Variants in COL21A1 observed in about 807,000 individuals in gnomAD.
COL21A1 encodes the protein collagen type XXI alpha 1 chain.
COL21A1 carries 149 observed loss-of-function variants against 137.9 expected under a neutral mutation model. The observed-to-expected ratio is 1.08, with a 90% CI of 0.95 to 1.24. The LOEUF (loss-of-function observed/expected upper bound fraction) is 1.24, where lower values mean the gene tolerates loss of function less well. Ranked by LOEUF, COL21A1 falls within the 50% of genes most tolerant of loss-of-function variation. The pLI is 0.00. For synonymous variants in COL21A1, 456 were observed against 391.5 expected, an observed-to-expected ratio of 1.16 and a Z score of -1.95; for missense variants, 1,167 against 1,158.4, an observed-to-expected ratio of 1.01 and a Z score of -0.11.
At chr6:56,218,068 G>T (rs1315814194) in intron 1 of COL21A1, among the ~76,000 whole-genome samples, 4 of 152,046 alleles carry the variant, frequency 2.6e-5, no homozygotes, top group Admixed American at 2.6e-4. Flanking sequence ...TGAGAAGATT[G>T]CTTAGTCTGT....
At chr6:56,289,948 T>C (rs909828231) in intron 1 of COL21A1, among the ~76,000 whole-genome samples, 1 of 152,006 alleles carries the variant, frequency 6.6e-6, no homozygotes, top group Non-Finnish European at 1.5e-5. Context: ...CCCACCACCA[T>C]TGGACTGTAG....
chr6:56,312,442 T>C (rs1423108915), intron 1 of COL21A1, among the ~76,000 whole-genome samples: 2 of 152,134 alleles, frequency 1.3e-5, no homozygotes, highest in Non-Finnish European at 2.9e-5. Flanking sequence ...ACTGGGAACA[T>C]GTTGGTATTT....
chr6:56,321,034 C>T (rs939464916), intron 1 of COL21A1, among the ~76,000 whole-genome samples: 5 of 152,006 alleles, frequency 3.3e-5, no homozygotes, highest in Admixed American at 6.6e-5. Flanking sequence ...ATGAAAAAAA[C>T]AAATTTTAGA....
At chr6:56,176,065 G>A (rs866845057) in intron 3 of COL21A1, among the ~76,000 whole-genome samples, 16 of 151,970 alleles carry the variant, frequency 1.1e-4, no homozygotes, top group African/African-American at 2.4e-4. Context: ...TGGGAAAACC[G>A]GATATCCACA....
At position 56,286,130 on chromosome 6, in the gene COL21A1, TAGGCCA is replaced by T. The variant is rs372770057; in HGVS notation, c.-38-103480_-38-103475del. Among the ~76,000 whole-genome samples the T allele has an allele frequency of 2.9e-3, 449 of 152,286 alleles. 4 individuals are homozygous for T. Among genetic ancestry groups the T allele is most frequent in the African/African-American group, 0.01 (419 of 41,552 alleles). On this transcript the variant is annotated intron_variant, in intron 1 of 28. Coordinates refer to the COL21A1 transcript ENST00000370819. ...CCATCTTAGTGTTTGGGCTACAAAC[TAGGCCA>T]TGATACAGTTTATGCAAGGTTTAAA... is the stretch of plus-strand genomic sequence containing the variant.
intron 1 of COL21A1, among the ~76,000 whole-genome samples, chr6:56,381,243 C>T (rs966436567): frequency 2.0e-5 from 3 of 151,832 alleles, no homozygotes; most frequent in African/African-American, 7.3e-5. Context: ...TTTATGTGGT[C>T]GAGTTTACGA....
intron 1 of COL21A1, among the ~76,000 whole-genome samples, chr6:56,306,731 C>T (rs1342876866): frequency 2.0e-5 from 3 of 151,452 alleles, no homozygotes; most frequent in South Asian, 2.1e-4. Context: ...TCTCTCAACT[C>T]GTCAAAGTCA....
intron 9 of COL21A1, among the ~76,000 whole-genome samples, chr6:56,159,850 G>A (rs1336312084): frequency 6.6e-6 from 1 of 151,988 alleles, no homozygotes; most frequent in African/African-American, 2.4e-5. Flanking sequence ...AAAGGGACTT[G>A]TGCTTTTTAT....
At chr6:56,205,626 T>C (rs556747955) in intron 1 of COL21A1, among the ~76,000 whole-genome samples, 8 of 151,970 alleles carry the variant, frequency 5.3e-5, no homozygotes, top group African/African-American at 1.7e-4. Context: ...ATTCAGGAAA[T>C]ACAGAGAATA....
At chr6:56,169,322 C>T (rs762205134) in intron 5 of COL21A1, among the ~76,000 whole-genome samples, 5 of 151,912 alleles carry the variant, frequency 3.3e-5, no homozygotes, top group Admixed American at 6.6e-5. Flanking sequence ...TTATTAATTT[C>T]TGTATCCCCA....
intron 1 of COL21A1, among the ~76,000 whole-genome samples, chr6:56,347,311 A>C (rs926041339): frequency 6.6e-6 from 1 of 152,018 alleles, no homozygotes; most frequent in African/African-American, 2.4e-5. Flanking sequence ...GGGTGTTCCT[A>C]CTGGCCCTTT....
intron 1 of COL21A1, among the ~76,000 whole-genome samples, chr6:56,302,750 A>C (rs1482003284): frequency 3.3e-5 from 5 of 150,404 alleles, no homozygotes; most frequent in African/African-American, 4.8e-5. Flanking sequence ...CCCATTTGTC[A>C]ATTTTGGCTT....
intron 1 of COL21A1, among the ~76,000 whole-genome samples, chr6:56,202,520 T>C (rs1779479032): frequency 6.7e-6 from 1 of 149,704 alleles, no homozygotes; most frequent in African/African-American, 2.6e-5. Flanking sequence ...TCGATCTTTT[T>C]CTACTTCCAG....
At chr6:56,317,449 C>G (rs532172114) in intron 1 of COL21A1, among the ~76,000 whole-genome samples, 25 of 152,146 alleles carry the variant, frequency 1.6e-4, no homozygotes, top group Non-Finnish European at 3.2e-4. Flanking sequence ...GATTCCTCCT[C>G]AGTATGTGAA....
At chr6:56,152,454 C>T (rs886288691) in intron 10 of COL21A1, among the ~76,000 whole-genome samples, 1 of 152,162 alleles carries the variant, frequency 6.6e-6, no homozygotes, top group East Asian at 1.9e-4. Flanking sequence ...GACCATTATT[C>T]TTCCTACCAC....
upstream of COL21A1, among the ~76,000 whole-genome samples, chr6:56,250,414 A>G (rs1412369814): frequency 2.6e-5 from 4 of 152,206 alleles, no homozygotes; most frequent in Non-Finnish European, 5.9e-5. Flanking sequence ...TCATCCATGT[A>G]ATGAACTGCC....
At chr6:56,265,381 T>C (rs1406123824) in intron 1 of COL21A1, among the ~76,000 whole-genome samples, 1 of 152,196 alleles carries the variant, frequency 6.6e-6, no homozygotes, top group African/African-American at 2.4e-5. Context: ...TGGTCAGTGT[T>C]AGTCCAAAAA....
chr6:56,303,685 A>G (rs907003557), intron 1 of COL21A1, among the ~76,000 whole-genome samples: 2 of 152,192 alleles, frequency 1.3e-5, no homozygotes, highest in Non-Finnish European at 2.9e-5. Context: ...AAACAGGAAC[A>G]ATTTGACTTC....
intron 1 of COL21A1, among the ~76,000 whole-genome samples, chr6:56,211,570 C>T (rs929811104): frequency 3.3e-5 from 5 of 151,882 alleles, no homozygotes; most frequent in African/African-American, 1.2e-4. Context: ...TACCTCAATT[C>T]AAAACAAAGC....
Sources: gnomAD v4.1 joint callset for allele counts (sites outside exome capture counted in the v4.1 genomes callset) on GRCh38, gnomAD v4.1.1 for gene constraint, MANE v1.5 for transcripts, NCBI Gene and HGNC (gene_info 2026-07-23, HGNC 2026-07-21) for gene names.